SGCD: variants seen among roughly 807,000 people sequenced by gnomAD.
The protein encoded by SGCD is sarcoglycan delta.
In SGCD, 18 loss-of-function variants were observed where a neutral mutation model predicts 36.6. The observed-to-expected ratio is 0.49, with a 90% CI of 0.34 to 0.73. The LOEUF (loss-of-function observed/expected upper bound fraction) is 0.73, where lower values mean the gene tolerates loss of function less well. Among genes scored for constraint, SGCD ranks in the 30% least tolerant of loss-of-function variants. The probability of loss-of-function intolerance (pLI) is 0.01; values close to 1 mark genes in which losing one functional copy is unlikely to be tolerated. For synonymous variants in SGCD, 133 were observed against 130.6 expected (o/e 1.02, Z -0.12); for missense variants, 387 against 346.7 (o/e 1.12, Z -0.92).
At chr5:156,430,182 C>T (rs1773870336) in intron 3 of SGCD, among the ~76,000 whole-genome samples, 6 of 152,130 alleles carry the variant, frequency 3.9e-5, no homozygotes, top group Admixed American at 3.3e-4. Flanking sequence ...TACATAATTC[C>T]ATATTTCATG....
chr5:155,895,274 G>A (rs1011220520), intron 1 of SGCD, among the ~76,000 whole-genome samples: 1 of 152,230 alleles, frequency 6.6e-6, no homozygotes, highest in African/African-American at 2.4e-5. Flanking sequence ...TCTGGTGAAA[G>A]TTTTGAGATC....
intron 4 of SGCD, among the ~76,000 whole-genome samples, chr5:156,530,748 T>C (rs1289281100): frequency 1.3e-5 from 2 of 152,034 alleles, no homozygotes; most frequent in Non-Finnish European, 2.9e-5. Context: ...CCCAGCTAAT[T>C]TTTGTGTTTT....
At chr5:156,483,953 A>T (rs1581058454) in intron 3 of SGCD, among the ~76,000 whole-genome samples, 1 of 152,220 alleles carries the variant, frequency 6.6e-6, no homozygotes, top group Non-Finnish European at 1.5e-5. Context: ...TAAAGGTTTC[A>T]GGATTTGAAG....
At chr5:155,904,142 A>G (rs569844000) in intron 1 of SGCD, among the ~76,000 whole-genome samples, 23 of 152,274 alleles carry the variant, frequency 1.5e-4, no homozygotes, top group African/African-American at 5.5e-4. Context: ...GTTTCCCATG[A>G]CTTGACTTAA....
chr5:156,748,980 G>GTCTC (rs1386175325), intron 7 of SGCD, among the ~76,000 whole-genome samples: 1 of 151,962 alleles, frequency 6.6e-6, no homozygotes, highest in Non-Finnish European at 1.5e-5. Flanking sequence ...GGCCAGGCTG[G>GTCTC]TCTCGAAATG....
chr5:156,149,425 A>G (rs975788081), intron 3 of SGCD, among the ~76,000 whole-genome samples: 3 of 152,096 alleles, frequency 2.0e-5, no homozygotes, highest in Admixed American at 6.5e-5. Flanking sequence ...CATGTTTTGG[A>G]TGTCATTCTT....
At position 156,198,868 on chromosome 5, in the gene SGCD, T is replaced by C. The variant is rs556972063; in HGVS notation, c.-44+74849T>C. ...GTGGTTTTTATTTTATTATTATTAT[T>C]ATTTGATTTTAGAAATGGAATCTTG... On this transcript the variant is annotated intron_variant, in intron 3 of 9. Transcript: ENST00000517913. 8.5e-5 allele frequency among the ~76,000 whole-genome samples: 13 copies of C among 152,080 alleles called. No individual in the cohort carries two copies. The South Asian group carries it at 2.7e-3, about 31-fold the overall frequency.
chr5:155,756,381 A>G, the SGCD span, among the ~76,000 whole-genome samples: 4 of 152,216 alleles, frequency 2.6e-5, no homozygotes, highest in African/African-American at 4.8e-5. Context: ...TTATTTCCTT[A>G]TAAAATCTTT....
chr5:156,537,843 A>AG (rs1758183990), intron 4 of SGCD, among the ~76,000 whole-genome samples: 1 of 126,704 alleles, frequency 7.9e-6, no homozygotes, highest in Non-Finnish European at 1.8e-5. Flanking sequence ...GTGAATGGAA[A>AG]GAAAAAAAAA....
At position 156,330,458 on chromosome 5, in the gene SGCD, A is replaced by C. The variant is rs539325752; in HGVS notation, c.3+879A>C. ...CTGTAAGATGATCTGATACCTCTGAATTGTTTTCTGTTTTCACAACCTATG... is the reference window on the plus strand; with the variant it reads ...CTGTAAGATGATCTGATACCTCTGACTTGTTTTCTGTTTTCACAACCTATG... On this transcript the variant is annotated intron_variant, in intron 2 of 8. Coordinates refer to ENST00000337851, the MANE Select transcript of SGCD (RefSeq NM_000337.6). Among the ~76,000 whole-genome samples the C allele has an allele frequency of 1.6e-3, 243 of 152,126 alleles. 1 individual carries two copies. The highest frequency in any genetic ancestry group is 2.0e-3 in the Non-Finnish European group (139 of 67,982).
intron 1 of SGCD, among the ~76,000 whole-genome samples, chr5:156,053,090 G>A (rs1329151155): frequency 6.8e-6 from 1 of 146,444 alleles, no homozygotes. Flanking sequence ...AATTAGGGTG[G>A]GCAAAAGGCT....
At chr5:156,447,435 A>G (rs1192139406) in intron 3 of SGCD, among the ~76,000 whole-genome samples, 1 of 152,196 alleles carries the variant, frequency 6.6e-6, no homozygotes, top group African/African-American at 2.4e-5. Flanking sequence ...CAAATTTTCC[A>G]GTCCTGCTGT....
At chr5:156,605,759 T>C (rs1225626448) in intron 6 of SGCD, among the ~76,000 whole-genome samples, 2 of 152,240 alleles carry the variant, frequency 1.3e-5, no homozygotes, top group African/African-American at 4.8e-5. Context: ...TGTGAGAGGG[T>C]ATCTCATTGT....
intron 1 of SGCD, among the ~76,000 whole-genome samples, chr5:155,972,807 C>T (rs929627423): frequency 6.6e-6 from 1 of 152,056 alleles, no homozygotes; most frequent in African/African-American, 2.4e-5. Context: ...ATTTGCATTT[C>T]TTGGATTAAC....
In SGCD at chr5:156,060,978, C is replaced by G. The variant is rs529237757; in HGVS notation, c.-281-56900C>G. ...TTCCTATCACCGTGGTCAGCGGAAT[C>G]CCTCTGTCTTTTCTCTGTGTCTGGA... On this transcript the variant is annotated intron_variant, in intron 1 of 9. Transcript: ENST00000517913. 2.3e-4 allele frequency among the ~76,000 whole-genome samples: 34 copies of G among 144,982 alleles called. No individual in the cohort carries two copies. The South Asian group carries it at 6.8e-3, about 29-fold the overall frequency.
intron 1 of SGCD, among the ~76,000 whole-genome samples, chr5:156,045,657 T>C (rs74871824): frequency 0.11 from 17,392 of 152,196 alleles, 2,797 homozygotes; most frequent in African/African-American, 0.36. Context: ...CTGGTGACAG[T>C]TCTCTGCCTG....
chr5:156,260,649 T>C (rs2127664975), intron 3 of SGCD, among the ~76,000 whole-genome samples: 1 of 152,288 alleles, frequency 6.6e-6, no homozygotes, highest in South Asian at 2.1e-4. Context: ...AATGTTTTAC[T>C]TACTTTCTAA....
intron 1 of SGCD, among the ~76,000 whole-genome samples, chr5:155,894,220 T>G (rs1756199117): frequency 6.6e-6 from 1 of 152,204 alleles, no homozygotes; most frequent in African/African-American, 2.4e-5. Context: ...TATTGTAACT[T>G]TTTAAAAAGT....
chr5:156,055,185 G>A (rs891417846), intron 1 of SGCD, among the ~76,000 whole-genome samples: 2 of 145,234 alleles, frequency 1.4e-5, no homozygotes, highest in African/African-American at 4.9e-5. Flanking sequence ...CAGCCCTGAG[G>A]CTACTCCTTT....
Sources: gnomAD v4.1 joint callset for allele counts (sites outside exome capture counted in the v4.1 genomes callset) on GRCh38, gnomAD v4.1.1 for gene constraint, MANE v1.5 for transcripts, NCBI Gene and HGNC (gene_info 2026-07-23, HGNC 2026-07-21) for gene names.